The following FER1L6 variants were observed in gnomAD, a reference collection of about 807,000 sequenced individuals.
FER1L6 encodes the protein fer-1 like family member 6.
Under a neutral mutation model 219.2 loss-of-function variants are expected in FER1L6, and 177 were observed. That is an observed-to-expected ratio of 0.81 (90% CI 0.71 to 0.91). The LOEUF (loss-of-function observed/expected upper bound fraction) is 0.91, where lower values mean the gene tolerates loss of function less well. Ranked by LOEUF, FER1L6 falls within the 40% of genes least tolerant of loss-of-function variation. The probability of loss-of-function intolerance (pLI) is 0.00; values close to 1 mark genes in which losing one functional copy is unlikely to be tolerated. For missense variants in FER1L6, 2,153 were observed against 2,259.9 expected (o/e 0.95, Z 0.96); for synonymous variants, 768 against 824.3 (o/e 0.93, Z 1.17).
chr8:123,879,960 G>A (rs1474591578), intron 1 of FER1L6, among the ~76,000 whole-genome samples: 2 of 152,114 alleles, frequency 1.3e-5, no homozygotes, highest in South Asian at 2.1e-4. Context: ...GCTGTCCCCC[G>A]TTCACCATGA....
chr8:123,980,378 T>C (rs895770871), intron 10 of FER1L6, 87 bp from the exon 11 acceptor site: 11 of 1,093,084 alleles, frequency 1.0e-5, no homozygotes, highest in Non-Finnish European at 1.5e-5. Flanking sequence ...TTCGTCTTTC[T>C]TGGATATTCT....
intron 1 of FER1L6, among the ~76,000 whole-genome samples, chr8:123,883,314 G>A (rs1471413491): frequency 6.6e-6 from 1 of 152,172 alleles, no homozygotes; most frequent in Admixed American, 6.5e-5. Context: ...TTTACAGGCT[G>A]CCTCAAGAGA....
chr8:123,945,365 T>A (rs1269811585), intron 1 of FER1L6, among the ~76,000 whole-genome samples: 1 of 152,202 alleles, frequency 6.6e-6, no homozygotes, highest in African/African-American at 2.4e-5. Flanking sequence ...GCCTGTGCAA[T>A]GAGGGAGAGA....
chr8:124,085,578 G>A lies in FER1L6; in HGVS notation c.4391+3120G>A, dbSNP rs1730691058. Among the ~76,000 whole-genome samples the A allele has an allele frequency of 2.0e-5, 3 of 152,072 alleles. No individual in the cohort carries two copies. In the South Asian group the frequency reaches 6.2e-4, roughly 32 times the overall value. Reference sequence around the variant, plus strand: ...TTTGAGTTTTATTCCATTGTGGCCAGAGAAGATACTTAATATAATTTCAAT... The same window carrying A: ...TTTGAGTTTTATTCCATTGTGGCCAAAGAAGATACTTAATATAATTTCAAT... On this transcript the variant is annotated intron_variant, in intron 33 of 40. Coordinates refer to ENST00000522917, the MANE Select transcript of FER1L6 (RefSeq NM_001039112.2).
chr8:123,961,087 TA>T (rs1036285440), intron 2 of FER1L6, among the ~76,000 whole-genome samples: 1 of 151,838 alleles, frequency 6.6e-6, no homozygotes, highest in African/African-American at 2.4e-5. Flanking sequence ...TTTGTCTCTC[TA>T]AAAAAAATAT....
At chr8:123,952,761 A>G (rs571809238) in intron 1 of FER1L6, among the ~76,000 whole-genome samples, 1 of 152,060 alleles carries the variant, frequency 6.6e-6, no homozygotes, top group South Asian at 2.1e-4. Context: ...TGCTGTGGGG[A>G]TCCTAGGAGA....
intron 1 of FER1L6, among the ~76,000 whole-genome samples, chr8:123,894,871 G>A (rs888245575): frequency 1.3e-5 from 2 of 152,160 alleles, no homozygotes; most frequent in African/African-American, 4.8e-5. Context: ...GATAGTAATG[G>A]AGTACAATCC....
chr8:124,057,952 CCT>C (rs1820382178), intron 22 of FER1L6, among the ~76,000 whole-genome samples: 1 of 136,058 alleles, frequency 7.3e-6, no homozygotes, highest in South Asian at 2.5e-4. Flanking sequence ...TTATCTGAAT[CCT>C]CTGAGTCTTT....
At chr8:124,056,048 G>A (rs1249237634) in intron 22 of FER1L6, among the ~76,000 whole-genome samples, 1 of 151,962 alleles carries the variant, frequency 6.6e-6, no homozygotes, top group African/African-American at 2.4e-5. Flanking sequence ...TGCCTCATAA[G>A]GACCCTCAAG....
rs74655290 is a variant in FER1L6, at chr8:123,882,873, A to G, written c.-8+30688A>G. On this transcript the variant is annotated intron_variant, in intron 1 of 40. Coordinates refer to ENST00000522917, the MANE Select transcript of FER1L6 (RefSeq NM_001039112.2). The stretch of plus-strand genomic sequence containing the variant: ...CCAAGAGTGAACCGTAATAAAAACT[A>G]TGGACTCTGGGTGAAAATGACATGC... Among the ~76,000 whole-genome samples, 556 of 152,288 alleles carry G rather than the reference A, an allele frequency of 3.7e-3. 5 individuals carry two copies. The highest frequency in any genetic ancestry group is 0.013 in the African/African-American group (538 of 41,548).
intron 22 of FER1L6, among the ~76,000 whole-genome samples, chr8:124,059,556 T>C (rs1341899729): frequency 6.6e-6 from 1 of 152,218 alleles, no homozygotes; most frequent in East Asian, 1.9e-4. Context: ...ACTCTGTAAG[T>C]CCTTTGTGTG....
At chr8:124,022,826 AGT>A (rs1265482071) in intron 17 of FER1L6, among the ~76,000 whole-genome samples, 1 of 39,736 alleles carries the variant, frequency 2.5e-5, no homozygotes, top group East Asian at 5.6e-4. Context: ...AGATGAGAAA[AGT>A]AGGCTACCAA....
At chr8:123,941,548 C>T (rs1413018593) in intron 1 of FER1L6, among the ~76,000 whole-genome samples, 1 of 152,176 alleles carries the variant, frequency 6.6e-6, no homozygotes, top group African/African-American at 2.4e-5. Context: ...TGGTATTTTC[C>T]TGTGCTGTGC....
At chr8:123,990,075 T>C (rs1816776561) in intron 12 of FER1L6, among the ~76,000 whole-genome samples, 1 of 152,160 alleles carries the variant, frequency 6.6e-6, no homozygotes, top group Non-Finnish European at 1.5e-5. Context: ...GAGATCATCC[T>C]GGCTAACATG....
At chr8:124,028,530 A>C (rs1818813565) in intron 18 of FER1L6, among the ~76,000 whole-genome samples, 1 of 143,268 alleles carries the variant, frequency 7.0e-6, no homozygotes, top group African/African-American at 2.5e-5. Context: ...ATAGGAAGTG[A>C]AGGTGGGCGG....
At chr8:124,019,216 T>C (rs1028332334) in intron 16 of FER1L6, among the ~76,000 whole-genome samples, 2 of 152,236 alleles carry the variant, frequency 1.3e-5, no homozygotes, top group Non-Finnish European at 2.9e-5. Flanking sequence ...AGTTCGTTCC[T>C]ATGTATCTAT....
intron 1 of FER1L6, among the ~76,000 whole-genome samples, chr8:123,878,210 C>T (rs1366093214): frequency 1.3e-5 from 2 of 152,074 alleles, no homozygotes; most frequent in South Asian, 2.1e-4. Context: ...CAGGAAGACA[C>T]GTGCTGTGCT....
intron 18 of FER1L6, among the ~76,000 whole-genome samples, chr8:124,031,593 T>C (rs1312354294): frequency 1.3e-5 from 2 of 152,186 alleles, no homozygotes; most frequent in Non-Finnish European, 2.9e-5. Flanking sequence ...TAGAGTCATA[T>C]TTTTAGGTTT....
chr8:123,898,738 A>ATGTATATATG (rs1812797093), intron 1 of FER1L6, among the ~76,000 whole-genome samples: 4 of 140,914 alleles, frequency 2.8e-5, no homozygotes, highest in Non-Finnish European at 4.6e-5. Context: ...TATAGTATAT[A>ATGTATATATG]TACATATATA....
Sources: allele counts gnomAD v4.1 joint callset (sites outside exome capture counted in the v4.1 genomes callset), GRCh38; gene constraint gnomAD v4.1.1; transcripts MANE v1.5; gene names NCBI Gene and HGNC (gene_info 2026-07-23, HGNC 2026-07-21).